Variants in SKP1 observed in about 807,000 individuals in gnomAD.
SKP1 encodes the protein S-phase kinase-associated protein 1.
Under a neutral mutation model 21.5 loss-of-function variants are expected in SKP1, and 1 was observed. That is an observed-to-expected ratio of 0.05 (90% confidence interval 0.02 to 0.22). The LOEUF (loss-of-function observed/expected upper bound fraction) is 0.22, where lower values mean the gene tolerates loss of function less well. SKP1 is among the 10% of genes least tolerant of loss of function. The pLI, the probability that SKP1 is intolerant of heterozygous loss-of-function variation, is 1.00. For synonymous variants in SKP1, 59 were observed against 59.3 expected, an observed-to-expected ratio of 0.99 and a Z score of 0.03; for missense variants, 70 against 192.0, an observed-to-expected ratio of 0.36 and a Z score of 3.76.
At position 134,150,618 on chromosome 5, in the gene SKP1, C is replaced by G. The variant is rs1761029888; in HGVS notation, c.*7115G>C. ...GAGTCCTTAACTGCGACTCTCAGAT[C>G]TCTTCAGAGCATTTTTTAAGCTCTT... On this transcript the variant is annotated 3_prime_UTR_variant, in exon 6 of 6. Transcript: ENST00000353411. The G allele has an allele frequency of 6.6e-6, 1 of 152,224 alleles. No individual in the cohort carries two copies. The highest frequency in any genetic ancestry group is 2.4e-5 in the African/African-American group (1 of 41,456). The allele number at this position is 152,224 out of a possible 1,614,324, so 9.4% of individuals were successfully genotyped here.
At position 134,156,268 on chromosome 5, in the gene SKP1, T is replaced by A. The variant is rs1761119089; in HGVS notation, c.*1465A>T. On this transcript the variant is annotated 3_prime_UTR_variant, in exon 6 of 6. Transcript: ENST00000353411. ...GAGAGAGAGAGAGAGAGAGAGAGAA[T>A]TTTAAATAACTCTTTACAACGTAAA... 1 of 147,298 alleles carries A rather than the reference T, an allele frequency of 6.8e-6. No homozygotes were observed. The highest frequency in any genetic ancestry group is 1.5e-5 in the Non-Finnish European group (1 of 66,916). The allele number at this position is 147,298 out of a possible 1,614,324, so 9.1% of individuals were successfully genotyped here. A position where few individuals can be genotyped will look rare whatever the true frequency, so the allele number is the denominator to read the frequency against.
At chr5:134,171,302 A>G (rs1043757792) in intron 2 of SKP1, among the ~76,000 whole-genome samples, 2 of 152,206 alleles carry the variant, frequency 1.3e-5, no homozygotes, top group Non-Finnish European at 2.9e-5. Flanking sequence ...AGTCTACAGT[A>G]TATAAATCTG....
chr5:134,176,751 C>T (rs1468285979), intron 1 of SKP1, 104 bp downstream of exon 1: 2 of 152,438 alleles, frequency 1.3e-5, no homozygotes, highest in African/African-American at 4.8e-5. Flanking sequence ...AAGGCCAGGC[C>T]CAGTCACCGC....
At chr5:134,166,606 A>AT (rs1761337708) in intron 3 of SKP1, among the ~76,000 whole-genome samples, 2 of 149,354 alleles carry the variant, frequency 1.3e-5, no homozygotes, top group Non-Finnish European at 3.0e-5. Flanking sequence ...AAAAAAAAAA[A>AT]GAATGTGGGA....
At chr5:134,162,446 C>A (rs970924645) in intron 3 of SKP1, among the ~76,000 whole-genome samples, 2 of 152,170 alleles carry the variant, frequency 1.3e-5, no homozygotes, top group Non-Finnish European at 2.9e-5. Flanking sequence ...ACTCTTGTTG[C>A]CCAGGCTGGA....
At position 134,153,052 on chromosome 5, in the gene SKP1, A is replaced by G. The variant is rs1167790169; in HGVS notation, c.*4681T>C. 1 of 152,256 alleles carries G rather than the reference A, an allele frequency of 6.6e-6. No individual in the cohort carries two copies. The highest frequency in any genetic ancestry group is 2.4e-5 in the African/African-American group (1 of 41,466). The allele number at this position is 152,256 out of a possible 1,614,324, so 9.4% of individuals were successfully genotyped here. ...CTTATTCTTGACTTCTTCCTAGCTTAAAAAGTTATAGACTGGTTTCAAATC... is the reference window on the plus strand; with the variant it reads ...CTTATTCTTGACTTCTTCCTAGCTTGAAAAGTTATAGACTGGTTTCAAATC... On this transcript the variant is annotated 3_prime_UTR_variant, in exon 6 of 6. Coordinates refer to ENST00000353411, the MANE Select transcript of SKP1 (RefSeq NM_170679.3).
intron 1 of SKP1, 67 bp from the exon 2 acceptor site, chr5:134,174,089 C>A: frequency 4.2e-6 from 4 of 954,410 alleles, no homozygotes; most frequent in Non-Finnish European, 5.1e-6. Flanking sequence ...TCATCAACTA[C>A]AGTCCATCAG....
intron 5 of SKP1, 50 bp downstream of exon 5, chr5:134,158,405 A>G (rs749991684): frequency 2.5e-6 from 4 of 1,613,380 alleles, no homozygotes; most frequent in South Asian, 2.2e-5. Context: ...TATAGGTGTT[A>G]CTCCCTTTTT....
At chr5:134,158,371 C>A in intron 5 of SKP1, 84 bp downstream of exon 5, 1 of 1,610,106 alleles carries the variant, frequency 6.2e-7, no homozygotes, top group Non-Finnish European at 8.5e-7. Context: ...CTACTTGATA[C>A]AGTCACCTCT....
chr5:134,162,411 C>T (rs1468311574), intron 3 of SKP1, among the ~76,000 whole-genome samples: 2 of 151,970 alleles, frequency 1.3e-5, no homozygotes, highest in African/African-American at 2.4e-5. Context: ...TTTTTGTTTT[C>T]GTTTTAATTT....
chr5:134,164,811 T>C (rs548913584), intron 3 of SKP1, among the ~76,000 whole-genome samples: 2 of 152,270 alleles, frequency 1.3e-5, no homozygotes, highest in African/African-American at 2.4e-5. Flanking sequence ...ACCACTGAAT[T>C]GTCACTTAAA....
intron 3 of SKP1, among the ~76,000 whole-genome samples, chr5:134,163,278 T>C (rs1181015161): frequency 7.0e-6 from 1 of 143,128 alleles, no homozygotes; most frequent in Non-Finnish European, 1.5e-5. Context: ...TAAAAAACTC[T>C]TAAAAGGATA....
At chr5:134,167,009 C>T (rs1761345344) in intron 3 of SKP1, among the ~76,000 whole-genome samples, 161 bp downstream of exon 3, 1 of 152,160 alleles carries the variant, frequency 6.6e-6, no homozygotes, top group South Asian at 2.1e-4. Flanking sequence ...ATTTTAAGAA[C>T]ATACAAACAT....
intron 2 of SKP1, chr5:134,173,352 G>A: frequency 5.7e-6 from 1 of 176,040 alleles, no homozygotes; most frequent in Non-Finnish European, 1.2e-5. Flanking sequence ...TCAGCTGGAT[G>A]TGGTGGCACG....
chr5:134,160,488 C>T (rs1761200332), intron 4 of SKP1, among the ~76,000 whole-genome samples: 1 of 152,098 alleles, frequency 6.6e-6, no homozygotes, highest in South Asian at 2.1e-4. Flanking sequence ...CTATGATTGT[C>T]ACTTTGTGGA....
chr5:134,161,475 A>G (rs1289209108), intron 3 of SKP1: 1 of 166,828 alleles, frequency 6.0e-6, no homozygotes, highest in East Asian at 1.5e-4. Flanking sequence ...AAATCATTAA[A>G]GAGAAATGGG....
rs1761195381 is a variant in SKP1 at position 134,160,224 on chromosome 5, G to A, written c.315+763C>T. 2.6e-5 allele frequency among the ~76,000 whole-genome samples: 4 copies of A among 151,996 alleles called. No homozygotes were observed. The South Asian group carries it at 8.3e-4, about 32-fold the overall frequency. On this transcript the variant is annotated intron_variant, in intron 4 of 5. Transcript: ENST00000353411. ...TACAAAAACTTAGCTGAGCATGGTG[G>A]CTCATGCCTGTAATCTCAGCTACTC... is the stretch of plus-strand genomic sequence containing the variant.
At chr5:134,171,043 G>A (rs773643551) in intron 2 of SKP1, 5 of 456,070 alleles carry the variant, frequency 1.1e-5, no homozygotes, top group South Asian at 7.7e-5. Context: ...CAGTGACTGT[G>A]GGATGTACCA....
chr5:134,165,041 G>A (rs1043801665), intron 3 of SKP1, among the ~76,000 whole-genome samples: 1 of 134,258 alleles, frequency 7.4e-6, no homozygotes, highest in Non-Finnish European at 1.5e-5. Flanking sequence ...TTTTTTTTGA[G>A]GGGGGAGGGT....
Sources: allele counts gnomAD v4.1 joint callset (sites outside exome capture counted in the v4.1 genomes callset), GRCh38; gene constraint gnomAD v4.1.1; transcripts MANE v1.5; gene names NCBI Gene and HGNC (gene_info 2026-07-23, HGNC 2026-07-21).